CTNND2: variants seen among roughly 807,000 people sequenced by gnomAD.
CTNND2 encodes catenin delta 2.
A neutral mutation model predicts 144.4 loss-of-function variants in CTNND2; 22 were observed. That is an observed-to-expected ratio of 0.15 (90% confidence interval 0.11 to 0.22). The LOEUF is 0.22. Among genes scored for constraint, CTNND2 ranks in the 10% least tolerant of loss-of-function variants. The probability of loss-of-function intolerance (pLI) is 1.00; values close to 1 mark genes in which losing one functional copy is unlikely to be tolerated. For synonymous variants in CTNND2, 751 were observed against 695.6 expected (o/e 1.08, Z -1.25); for missense variants, 1,353 against 1,618.8 (o/e 0.84, Z 2.82).
chr5:11,426,075 C>A (rs1762752223), intron 3 of CTNND2, among the ~76,000 whole-genome samples: 1 of 152,104 alleles, frequency 6.6e-6, no homozygotes, highest in Non-Finnish European at 1.5e-5. Flanking sequence ...TATCCATTGA[C>A]CCCCACCCTC....
intron 20 of CTNND2, among the ~76,000 whole-genome samples, chr5:10,987,053 T>A (rs1008324970): frequency 1.4e-5 from 2 of 139,796 alleles, no homozygotes; most frequent in African/African-American, 5.4e-5. Flanking sequence ...CCTTGTTCTA[T>A]TAAAGGCTCT....
At chr5:11,182,390 T>C (rs1348913297) in intron 11 of CTNND2, among the ~76,000 whole-genome samples, 2 of 151,968 alleles carry the variant, frequency 1.3e-5, no homozygotes, top group Non-Finnish European at 2.9e-5. Flanking sequence ...CACACCTGTA[T>C]ATATATGTCT....
chr5:11,657,785 T>A (rs1460777186), intron 2 of CTNND2, among the ~76,000 whole-genome samples: 2 of 152,102 alleles, frequency 1.3e-5, no homozygotes, highest in African/African-American at 4.8e-5. Context: ...ACCTTTAAAC[T>A]TAACCCCAAG....
At chr5:11,729,467 C>T (rs1787210873) in intron 2 of CTNND2, among the ~76,000 whole-genome samples, 1 of 151,992 alleles carries the variant, frequency 6.6e-6, no homozygotes, top group African/African-American at 2.4e-5. Context: ...AGGATAATAC[C>T]ATACTATGTA....
At chr5:11,072,527 C>T (rs763055786) in intron 16 of CTNND2, among the ~76,000 whole-genome samples, 13 of 152,178 alleles carry the variant, frequency 8.5e-5, no homozygotes, top group East Asian at 3.8e-4. Context: ...TATATTGTTA[C>T]GAACTTTCTG....
intron 9 of CTNND2, among the ~76,000 whole-genome samples, chr5:11,315,802 T>C (rs1333330214): frequency 6.6e-6 from 1 of 152,204 alleles, no homozygotes; most frequent in Non-Finnish European, 1.5e-5. Context: ...TTATCTTCTT[T>C]GGTTGGTCCT....
chr5:11,411,761 A>G lies in CTNND2; in HGVS notation c.323-109T>C, dbSNP rs1761557163. 3.8e-6 allele frequency: 3 copies of G among 788,424 alleles called. No homozygotes were observed. The African/African-American group carries it at 5.3e-5, about 14-fold the overall frequency. 48.8% of individuals were successfully genotyped at this position (788,424 alleles called of 1,614,324 possible). A position where few individuals can be genotyped will look rare whatever the true frequency, so the allele number is the denominator to read the frequency against. On this transcript the variant is annotated intron_variant, in intron 4 of 21. Coordinates refer to ENST00000304623, the MANE Select transcript of CTNND2 (RefSeq NM_001332.4). ...TATCCTAGTCAAATATATTACCTCT[A>G]TGAAGTTTTCATTAGCTATTCCATT...
chr5:11,748,155 T>C (rs1788415293), intron 1 of CTNND2, among the ~76,000 whole-genome samples: 2 of 152,132 alleles, frequency 1.3e-5, no homozygotes, highest in Admixed American at 6.6e-5. Context: ...ACCATTGACT[T>C]AGCAGTTTTT....
At chr5:11,265,322 T>C (rs1056412387) in intron 9 of CTNND2, among the ~76,000 whole-genome samples, 2 of 152,194 alleles carry the variant, frequency 1.3e-5, no homozygotes, top group Non-Finnish European at 2.9e-5. Flanking sequence ...CAGTGAAAGC[T>C]TGATGTACAT....
intron 16 of CTNND2, among the ~76,000 whole-genome samples, chr5:11,039,606 G>T (rs76193259): frequency 0.016 from 2,511 of 152,194 alleles, 36 homozygotes; most frequent in Non-Finnish European, 0.026. Context: ...TGTTTTAATT[G>T]ATTAGAGATT....
chr5:11,098,220 C>T (rs1751546147), intron 15 of CTNND2, among the ~76,000 whole-genome samples: 1 of 152,160 alleles, frequency 6.6e-6, no homozygotes, highest in Admixed American at 6.5e-5. Flanking sequence ...TGAGCATTAA[C>T]TCTCTTACCA....
At chr5:11,505,068 T>C (rs1231537111) in intron 3 of CTNND2, among the ~76,000 whole-genome samples, 1 of 152,222 alleles carries the variant, frequency 6.6e-6, no homozygotes, top group African/African-American at 2.4e-5. Context: ...AGTCATAGCA[T>C]GAACTGGTGA....
chr5:11,652,154 G>A (rs1320134690), intron 2 of CTNND2, among the ~76,000 whole-genome samples: 3 of 152,174 alleles, frequency 2.0e-5, no homozygotes, highest in African/African-American at 4.8e-5. Context: ...GGGGTAACTG[G>A]ATCTTGGAGA....
Position 10,973,644 on chromosome 5 carries a change from A to C in CTNND2, c.3487T>G (p.Ser1163Ala). ...AAGGACTCATCGTAATTTCTTGTGG[A>C]ATTCTGAAATGGCTGGTAGGTCTCG... ...DYETYQPFQNSTRNYDESFFE... is the reference protein window; with the variant it reads ...DYETYQPFQNATRNYDESFFE... Residue 1163 changes from serine (S) to alanine (A), a missense_variant, in exon 22 of 22, where the codon TCC becomes GCC. Physicochemically the swap from Ser to Ala is moderately conservative, Grantham distance 99. Around this residue, in one of 4 missense-constraint regions of CTNND2, gnomAD observed 459 missense variants for 674.3 expected, o/e 0.68. Coordinates refer to ENST00000304623, the MANE Select transcript of CTNND2 (RefSeq NM_001332.4). This position sits in a 1 kb window ranked among gnomAD's most constrained non-coding sequence, Gnocchi z 5.6. The C allele has an allele frequency of 3.1e-6, 5 of 1,614,044 alleles. No homozygotes were observed. Among genetic ancestry groups the C allele is most frequent in the Non-Finnish European group, 3.4e-6 (4 of 1,179,968 alleles).
chr5:11,118,407 A>G (rs1288188969), intron 12 of CTNND2, among the ~76,000 whole-genome samples: 1 of 152,194 alleles, frequency 6.6e-6, no homozygotes, highest in Non-Finnish European at 1.5e-5. Context: ...GGGTGGTACA[A>G]AGGGATTGAA....
intron 18 of CTNND2, among the ~76,000 whole-genome samples, chr5:11,002,980 AG>A (rs1204171444): frequency 6.6e-6 from 1 of 152,222 alleles, no homozygotes; most frequent in African/African-American, 2.4e-5. Flanking sequence ...AATAATGACT[AG>A]GACACTGTTG....
chr5:11,170,591 TACAC>T (rs534408462), intron 11 of CTNND2, among the ~76,000 whole-genome samples: 6 of 151,228 alleles, frequency 4.0e-5, no homozygotes, highest in African/African-American at 1.5e-4. Context: ...CACACACACA[TACAC>T]ACACACACAG....
intron 1 of CTNND2, among the ~76,000 whole-genome samples, chr5:11,866,694 C>T (rs2127039037): frequency 6.6e-6 from 1 of 152,320 alleles, no homozygotes; most frequent in East Asian, 1.9e-4. Flanking sequence ...AACAGAAAAG[C>T]TTTTGCCACA....
At chr5:11,563,416 G>A (rs140931879) in intron 3 of CTNND2, among the ~76,000 whole-genome samples, 1 of 152,300 alleles carries the variant, frequency 6.6e-6, no homozygotes, top group East Asian at 1.9e-4. Context: ...ATTAGATGGA[G>A]TAAAGCAAAA....
Sources: allele counts gnomAD v4.1 joint callset (sites outside exome capture counted in the v4.1 genomes callset), GRCh38; gene constraint gnomAD v4.1.1; regional missense constraint gnomAD v4.1.1; non-coding constraint Gnocchi (gnomAD v3.1); transcripts MANE v1.5; gene names NCBI Gene and HGNC (gene_info 2026-07-23, HGNC 2026-07-21).